The following SCAF8 variants were observed in gnomAD, a reference collection of about 807,000 sequenced individuals.
The protein encoded by SCAF8 is SR-related CTD associated factor 8, also known as SR-related and CTD-associated factor 8.
Under a neutral mutation model 140.5 loss-of-function variants are expected in SCAF8, and 23 were observed. The observed-to-expected ratio is 0.16, with a 90% CI of 0.12 to 0.23. The LOEUF (loss-of-function observed/expected upper bound fraction) is 0.23, where lower values mean the gene tolerates loss of function less well. SCAF8 is among the 10% of genes least tolerant of loss of function. The pLI is 1.00. For missense variants in SCAF8, 1,397 were observed against 1,555.7 expected (o/e 0.90, Z 1.72); for synonymous variants, 575 against 528.9 (o/e 1.09, Z -1.20).
chr6:154,736,957 T>G (rs189122948), intron 1 of SCAF8, among the ~76,000 whole-genome samples: 1 of 152,320 alleles, frequency 6.6e-6, no homozygotes, highest in East Asian at 1.9e-4. Context: ...TGAAGAAGAT[T>G]CAGAAAAATA....
chr6:154,785,702 A>G (rs1174275198), intron 3 of SCAF8, among the ~76,000 whole-genome samples: 1 of 152,146 alleles, frequency 6.6e-6, no homozygotes, highest in African/African-American at 2.4e-5. Flanking sequence ...GTATTTGTAT[A>G]TTGCAAAATA....
At chr6:154,737,722 G>A (rs1046656789) in intron 1 of SCAF8, among the ~76,000 whole-genome samples, 8 of 151,966 alleles carry the variant, frequency 5.3e-5, no homozygotes, top group Admixed American at 1.3e-4. Flanking sequence ...ACAGGTACTC[G>A]CTGTTGACAG....
chr6:154,763,155 T>G (rs1213668690), intron 1 of SCAF8, among the ~76,000 whole-genome samples: 1 of 152,212 alleles, frequency 6.6e-6, no homozygotes. Flanking sequence ...CTGATTTTTC[T>G]CCCCTCCTCA....
In SCAF8 at chr6:154,833,114, G is replaced by A. The variant is rs1464106828; in HGVS notation, c.3535G>A (p.Gly1179Arg). 2.5e-6 allele frequency: 4 copies of A among 1,613,976 alleles called. No homozygotes were observed. Among genetic ancestry groups the A allele is most frequent in the African/African-American group, 1.3e-5 (1 of 74,912 alleles). ...FCREMNGNRLGRDRIQNTWVP... is the reference protein window; with the variant it reads ...FCREMNGNRLRRDRIQNTWVP... The stretch of plus-strand genomic sequence containing the variant: ...CAGAGAAATGAATGGAAATCGTCTT[G>A]GACGAGACAGAATTCAAAACACTTG... The change falls in exon 20 of 20, where the codon GGA (glycine) becomes AGA (arginine). Residue 1179 changes from glycine to arginine, a missense_variant. This residue lies in a region of SCAF8 where 930 missense variants were observed against 874.6 expected (regional missense o/e 1.06). Coordinates refer to ENST00000367178, the MANE Select transcript of SCAF8 (RefSeq NM_014892.5).
chr6:154,766,366 C>T (rs756186810), intron 1 of SCAF8, among the ~76,000 whole-genome samples: 30 of 152,146 alleles, frequency 2.0e-4, no homozygotes, highest in Non-Finnish European at 3.4e-4. Flanking sequence ...TATACCATGG[C>T]ACCAATTCTT....
At chr6:154,742,397 A>G (rs1413278996) in intron 1 of SCAF8, among the ~76,000 whole-genome samples, 2 of 152,210 alleles carry the variant, frequency 1.3e-5, no homozygotes, top group Admixed American at 1.3e-4. Flanking sequence ...TAAGATGACA[A>G]ATTATTGACA....
chr6:154,802,130 G>A lies in SCAF8; in HGVS notation c.766G>A (p.Gly256Arg), dbSNP rs140554026. ...AANTLTPLEQ[G>R]VSFNKKLMDR... ...CAACACTCTTACTCCCTTAGAACAGGGAGTCTCCTTTAACAAGGTAGAAAT... is the reference window on the plus strand; with the variant it reads ...CAACACTCTTACTCCCTTAGAACAGAGAGTCTCCTTTAACAAGGTAGAAAT... Residue 256 changes from glycine (G) to arginine (R), a missense_variant, in exon 7 of 20, where the codon GGA (glycine) becomes AGA (arginine). Gly to Arg is a moderately radical substitution (Grantham distance 125). This residue lies in a region of SCAF8 where 339 missense variants were observed against 407.5 expected (regional missense o/e 0.83). Transcript: ENST00000367178. 1 of 1,592,758 alleles carries A rather than the reference G, an allele frequency of 6.3e-7. No individual in the cohort carries two copies. The highest frequency in any genetic ancestry group is 8.5e-7 in the Non-Finnish European group (1 of 1,172,138).
At chr6:154,749,805 C>T (rs139778441) in intron 1 of SCAF8, among the ~76,000 whole-genome samples, 2 of 151,950 alleles carry the variant, frequency 1.3e-5, no homozygotes, top group Non-Finnish European at 2.9e-5. Flanking sequence ...AATGAAAGCA[C>T]AAGTTTTAAA....
chr6:154,737,760 T>A (rs1778463555), intron 1 of SCAF8, among the ~76,000 whole-genome samples: 1 of 152,010 alleles, frequency 6.6e-6, no homozygotes, highest in Non-Finnish European at 1.5e-5. Context: ...ATTGTTTTTG[T>A]TTTGTAGAGA....
In SCAF8 at chr6:154,751,483, C is replaced by T. The variant is rs370875772; in HGVS notation, c.30+17553C>T. Among the ~76,000 whole-genome samples the T allele has an allele frequency of 4.2e-4, 64 of 152,250 alleles. 1 individual carries two copies. In the South Asian group the frequency reaches 0.013, roughly 31 times the overall value. ...CCTCAGGTGATCCACCCACCTTGGC[C>T]TGCCAAAGTGCTGAGATTACAAGCA... On this transcript the variant is annotated intron_variant, in intron 1 of 19. Transcript: ENST00000367178.
rs2114870120 is a variant in SCAF8, at chr6:154,787,982, G to A, written c.281G>A (p.Ser94Asn). ...CCCAGATTTAGTAATAACATCATTA[G>A]CACTTTCCAGAATTTATATCGTTGC... Reference protein sequence around the residue: ...FAPRFSNNIISTFQNLYRCPG... With the variant: ...FAPRFSNNIINTFQNLYRCPG... The change falls in exon 4 of 20, where the codon AGC becomes AAC. Residue 94 changes from serine to asparagine, a missense_variant. Ser to Asn is a conservative substitution (Grantham distance 46, BLOSUM62 1). Around this residue, in one of 5 missense-constraint regions of SCAF8, gnomAD observed 43 missense variants for 142.1 expected, o/e 0.30. Transcript: ENST00000367178. 1.9e-6 allele frequency: 3 copies of A among 1,612,500 alleles called. No individual in the cohort carries two copies. The highest frequency in any genetic ancestry group is 2.5e-6 in the Non-Finnish European group (3 of 1,179,694).
At position 154,823,136 on chromosome 6, in the gene SCAF8, C is replaced by T. The variant is rs183234163; in HGVS notation, c.1926+727C>T. ...ACACCAGGAATATGGTTGGTGTGGT[C>T]CAGGAGTGTTAAGTGGGCTAGAATA... On this transcript the variant is annotated intron_variant, in intron 16 of 19. Transcript: ENST00000367178. Among the ~76,000 whole-genome samples the T allele has an allele frequency of 3.9e-5, 6 of 152,170 alleles. No homozygotes were observed. The East Asian group carries it at 1.2e-3, about 29-fold the overall frequency.
At chr6:154,785,844 T>A (rs529757333) in intron 3 of SCAF8, among the ~76,000 whole-genome samples, 3 of 152,298 alleles carry the variant, frequency 2.0e-5, no homozygotes, top group Admixed American at 1.3e-4. Flanking sequence ...TATTCGTTCT[T>A]ACCTTTCTCC....
At chr6:154,749,911 T>A (rs1352684406) in intron 1 of SCAF8, among the ~76,000 whole-genome samples, 1 of 152,032 alleles carries the variant, frequency 6.6e-6, no homozygotes, top group Non-Finnish European at 1.5e-5. Flanking sequence ...CTAGAGAGGA[T>A]GAGGGGCTCA....
intron 1 of SCAF8, among the ~76,000 whole-genome samples, chr6:154,754,809 T>C (rs1778923554): frequency 1.3e-5 from 2 of 152,236 alleles, no homozygotes; most frequent in Admixed American, 1.3e-4. Flanking sequence ...TCAACTATTA[T>C]CTCTTCAGAA....
At chr6:154,829,399 C>A (rs565963935) in intron 18 of SCAF8, among the ~76,000 whole-genome samples, 9 of 152,106 alleles carry the variant, frequency 5.9e-5, no homozygotes, top group Admixed American at 3.9e-4. Flanking sequence ...TACAGAAATG[C>A]TAAATATACC....
intron 2 of SCAF8, among the ~76,000 whole-genome samples, chr6:154,775,527 G>A (rs889657268): frequency 1.3e-5 from 2 of 152,178 alleles, no homozygotes; most frequent in Non-Finnish European, 2.9e-5. Flanking sequence ...ATTTTCAGAT[G>A]TCAGACGGGT....
chr6:154,832,100 A>G lies in SCAF8; in HGVS notation c.2521A>G (p.Ile841Val), dbSNP rs757380248. 1.7e-5 allele frequency: 28 copies of G among 1,613,984 alleles called. No homozygotes were observed. In the Admixed American group the frequency reaches 4.7e-4, roughly 27 times the overall value. Residue 841 changes from isoleucine (I) to valine (V), a missense_variant, in exon 20 of 20, where the codon ATT (isoleucine) becomes GTT (valine). Ile to Val is a conservative substitution (Grantham distance 29). Around this residue, in one of 5 missense-constraint regions of SCAF8, gnomAD observed 930 missense variants for 874.6 expected, o/e 1.06. Coordinates refer to ENST00000367178, the MANE Select transcript of SCAF8 (RefSeq NM_014892.5). ...TAATGTTTCCAGTAGTTCTGGGATT[A>G]TTGCAGCCCAACCACCAAATATTCT... ...PSNVSSSSGIIAAQPPNILNN... is the reference protein window; with the variant it reads ...PSNVSSSSGIVAAQPPNILNN...
In SCAF8 at chr6:154,833,060, G is replaced by GCTAT; in HGVS notation, c.3481_3482insCTAT (p.Asp1161AlafsTer3). Reference sequence around the variant, plus strand: ...CAGAAGACCCTGGGAGAGGCAAAGGGATAGGGATGACAGAGATTTTGATTT... The same window carrying GCTAT: ...CAGAAGACCCTGGGAGAGGCAAAGGGCTATATAGGGATGACAGAGATTTTGATTT... On this transcript the variant is annotated frameshift_variant, in exon 20 of 20. Coordinates refer to ENST00000367178, the MANE Select transcript of SCAF8 (RefSeq NM_014892.5). LOFTEE classifies it high-confidence loss of function. 1 of 1,614,170 alleles carries GCTAT rather than the reference G, an allele frequency of 6.2e-7. No homozygotes were observed. Among genetic ancestry groups the GCTAT allele is most frequent in the Non-Finnish European group, 8.5e-7 (1 of 1,180,020 alleles).
Sources: gnomAD v4.1 joint callset for allele counts (sites outside exome capture counted in the v4.1 genomes callset) on GRCh38, gnomAD v4.1.1 for gene constraint, gnomAD v4.1.1 regional missense constraint, MANE v1.5 for transcripts, NCBI Gene and HGNC (gene_info 2026-07-23, HGNC 2026-07-21) for gene names.